The following FHIT variants were observed in gnomAD, a reference collection of about 807,000 sequenced individuals.
The protein encoded by FHIT is bis(5'-adenosyl)-triphosphatase.
FHIT carries 19 observed loss-of-function variants against 17.9 expected under a neutral mutation model. The observed-to-expected ratio is 1.06, with a 90% CI of 0.74 to 1.56. The LOEUF (loss-of-function observed/expected upper bound fraction) is 1.56, where lower values mean the gene tolerates loss of function less well. Among genes scored for constraint, FHIT ranks in the 40% most tolerant of loss-of-function variants. FHIT has a pLI of 0.00. For synonymous variants in FHIT, 81 were observed against 69.7 expected (o/e 1.16, Z -0.81); for missense variants, 248 against 189.2 (o/e 1.31, Z -1.82).
intron 7 of FHIT, among the ~76,000 whole-genome samples, chr3:60,003,466 G>A (rs1424332999): frequency 6.6e-6 from 1 of 152,126 alleles, no homozygotes; most frequent in Non-Finnish European, 1.5e-5. Context: ...ATTTAAGGAT[G>A]TGGTGTAGTC....
chr3:59,851,767 A>G (rs1021766488), intron 8 of FHIT, among the ~76,000 whole-genome samples: 1 of 152,212 alleles, frequency 6.6e-6, no homozygotes. Flanking sequence ...TGCTACATGC[A>G]TTATTATGTT....
chr3:60,986,062 G>C (rs1424542364), intron 3 of FHIT, among the ~76,000 whole-genome samples: 2 of 152,154 alleles, frequency 1.3e-5, no homozygotes, highest in African/African-American at 2.4e-5. Context: ...GGCCTACTGA[G>C]ATAATGTAGA....
At chr3:61,239,789 A>G (rs1880215) in intron 1 of FHIT, among the ~76,000 whole-genome samples, 49,069 of 112,882 alleles carry the variant, frequency 0.43, 12,532 homozygotes, top group East Asian at 0.77. Context: ...ATATATACAC[A>G]AATTCTAAAC....
intron 2 of FHIT, among the ~76,000 whole-genome samples, chr3:61,062,797 T>A (rs2034472895): frequency 6.6e-6 from 1 of 152,138 alleles, no homozygotes; most frequent in Admixed American, 6.5e-5. Flanking sequence ...AAAAAAATTA[T>A]TCCAGGTGAT....
intron 2 of FHIT, among the ~76,000 whole-genome samples, chr3:61,160,767 A>AT (rs2037665992): frequency 1.3e-5 from 2 of 152,234 alleles, no homozygotes; most frequent in Non-Finnish European, 2.9e-5. Context: ...CTATTTCTCT[A>AT]CATTTCTCTT....
chr3:60,244,933 T>G (rs1705316606), intron 5 of FHIT, among the ~76,000 whole-genome samples: 1 of 152,062 alleles, frequency 6.6e-6, no homozygotes, highest in Non-Finnish European at 1.5e-5. Context: ...TCATAAAAAA[T>G]GTATAGCTTC....
At chr3:60,834,841 G>C (rs184938675) in intron 3 of FHIT, among the ~76,000 whole-genome samples, 1 of 150,766 alleles carries the variant, frequency 6.6e-6, no homozygotes, top group African/African-American at 2.4e-5. Flanking sequence ...CTCCAGCTTG[G>C]GGAACTGAGT....
intron 5 of FHIT, among the ~76,000 whole-genome samples, chr3:60,055,215 T>G (rs1176250557): frequency 6.6e-6 from 1 of 152,096 alleles, no homozygotes. Flanking sequence ...AAAACACCAC[T>G]GGGGTTCTTC....
At chr3:61,191,060 A>G (rs1179659328) in intron 2 of FHIT, among the ~76,000 whole-genome samples, 1 of 151,956 alleles carries the variant, frequency 6.6e-6, no homozygotes, top group African/African-American at 2.4e-5. Flanking sequence ...GCGTACATGT[A>G]CCCTAAAACT....
chr3:60,366,063 G>A (rs983869784), intron 5 of FHIT, among the ~76,000 whole-genome samples: 1 of 152,284 alleles, frequency 6.6e-6, no homozygotes, highest in East Asian at 1.9e-4. Flanking sequence ...TCAGTAATGG[G>A]TATTGCTTTG....
At chr3:60,951,005 A>G (rs1036223815) in intron 3 of FHIT, among the ~76,000 whole-genome samples, 2 of 152,236 alleles carry the variant, frequency 1.3e-5, no homozygotes, top group Non-Finnish European at 2.9e-5. Flanking sequence ...CCAAAACATC[A>G]GCTCTAGATT....
intron 1 of FHIT, among the ~76,000 whole-genome samples, chr3:61,242,298 A>G (rs930271308): frequency 6.6e-6 from 1 of 152,050 alleles, no homozygotes; most frequent in African/African-American, 2.4e-5. Flanking sequence ...CAACAAAAAA[A>G]AAAACACCTC....
chr3:60,837,892 G>T (rs1439794557), intron 3 of FHIT, among the ~76,000 whole-genome samples: 1 of 151,978 alleles, frequency 6.6e-6, no homozygotes, highest in Non-Finnish European at 1.5e-5. Flanking sequence ...TCCGCACTTT[G>T]CATCCCTTTA....
intron 5 of FHIT, among the ~76,000 whole-genome samples, chr3:60,101,833 C>A (rs1159188585): frequency 6.6e-6 from 1 of 152,214 alleles, no homozygotes; most frequent in Non-Finnish European, 1.5e-5. Flanking sequence ...CCCACATGGA[C>A]AATTACGCAA....
intron 4 of FHIT, among the ~76,000 whole-genome samples, chr3:60,724,059 C>T (rs773973061): frequency 2.1e-4 from 32 of 152,156 alleles, no homozygotes; most frequent in African/African-American, 4.8e-4. Flanking sequence ...TTCATAGAGT[C>T]GTGCAACCAC....
At chr3:60,416,348 C>T (rs147461665) in intron 5 of FHIT, among the ~76,000 whole-genome samples, 357 of 152,212 alleles carry the variant, frequency 2.3e-3, no homozygotes, top group Admixed American at 6.5e-3. Flanking sequence ...TGCTGTGATA[C>T]AGAAATCCTA....
At chr3:60,737,088 G>A (rs1448456949) in intron 4 of FHIT, among the ~76,000 whole-genome samples, 1 of 152,142 alleles carries the variant, frequency 6.6e-6, no homozygotes, top group Non-Finnish European at 1.5e-5. Flanking sequence ...AAGCTATTCG[G>A]AGATCTCTTG....
intron 1 of FHIT, among the ~76,000 whole-genome samples, chr3:61,237,669 T>C (rs557224741): frequency 2.6e-5 from 4 of 152,310 alleles, no homozygotes; most frequent in African/African-American, 9.6e-5. Flanking sequence ...ACGTATTGAG[T>C]GCTGAGTATG....
chr3:60,423,496 A>G (rs1007201633), intron 5 of FHIT, among the ~76,000 whole-genome samples: 11 of 152,100 alleles, frequency 7.2e-5, no homozygotes, highest in Admixed American at 2.0e-4. Flanking sequence ...TTTTTTTCTG[A>G]TTGATATGAA....
Sources: allele counts gnomAD v4.1 joint callset (sites outside exome capture counted in the v4.1 genomes callset), GRCh38; gene constraint gnomAD v4.1.1; transcripts MANE v1.5; gene names NCBI Gene and HGNC (gene_info 2026-07-23, HGNC 2026-07-21).